Variants in PDE8B observed in about 807,000 individuals in gnomAD.
The protein encoded by PDE8B is high affinity cAMP-specific and IBMX-insensitive 3',5'-cyclic phosphodiesterase 8B.
Under a neutral mutation model 101.3 loss-of-function variants are expected in PDE8B, and 26 were observed. That is an observed-to-expected ratio of 0.26 (90% CI 0.19 to 0.36). The LOEUF (loss-of-function observed/expected upper bound fraction) is 0.36. PDE8B is among the 10% of genes least tolerant of loss of function. The pLI, the probability that PDE8B is intolerant of heterozygous loss-of-function variation, is 1.00. For synonymous variants in PDE8B, 424 were observed against 429.3 expected (o/e 0.99, Z 0.15); for missense variants, 810 against 1,163.1 (o/e 0.70, Z 4.42).
the PDE8B span, among the ~76,000 whole-genome samples, chr5:77,163,902 G>T: frequency 6.6e-6 from 1 of 152,182 alleles, no homozygotes; most frequent in Non-Finnish European, 1.5e-5. Flanking sequence ...TCAGTTAAAC[G>T]TGGCCTTGTG....
chr5:77,372,311 T>C (rs559034811), intron 10 of PDE8B, among the ~76,000 whole-genome samples: 38 of 152,346 alleles, frequency 2.5e-4, no homozygotes, highest in Non-Finnish European at 1.9e-4. Context: ...ATAGATTGCT[T>C]AGGATGTTAT....
chr5:77,108,287 ACATT>A, the PDE8B span, among the ~76,000 whole-genome samples: 2 of 152,218 alleles, frequency 1.3e-5, no homozygotes, highest in Non-Finnish European at 2.9e-5. Context: ...CTTAAAATTG[ACATT>A]CATTTTAAAT....
At chr5:77,273,124 G>T (rs1320529745) in intron 1 of PDE8B, among the ~76,000 whole-genome samples, 1 of 152,196 alleles carries the variant, frequency 6.6e-6, no homozygotes, top group Non-Finnish European at 1.5e-5. Context: ...TGATGTGGCA[G>T]ACTTGTGTTT....
intron 10 of PDE8B, among the ~76,000 whole-genome samples, chr5:77,394,066 A>G (rs1041890288): frequency 1.3e-5 from 2 of 152,252 alleles, no homozygotes; most frequent in African/African-American, 4.8e-5. Flanking sequence ...GAATTTATGC[A>G]AACAACTACA....
the PDE8B span, among the ~76,000 whole-genome samples, chr5:77,158,151 G>A: frequency 2.6e-5 from 4 of 152,328 alleles, no homozygotes; most frequent in South Asian, 8.3e-4. Context: ...TGACTCTCAA[G>A]CCCAGGTTCT....
rs768780569 is a variant in PDE8B, at chr5:77,426,931, G to C, written c.*377G>C. 2 of 280,566 alleles carry C rather than the reference G, an allele frequency of 7.1e-6. No homozygotes were observed. Among genetic ancestry groups the C allele is most frequent in the Non-Finnish European group, 1.4e-5 (2 of 144,820 alleles). The allele number at this position is 280,566 out of a possible 1,614,324, so 17.4% of individuals were successfully genotyped here. A position where few individuals can be genotyped will look rare whatever the true frequency, so the allele number is the denominator to read the frequency against. ...GACTAAGTAGCTTAGCTAGTGATCA[G>C]CTCATCCTTTACCATAAAAGTCATC... On this transcript the variant is annotated 3_prime_UTR_variant, in exon 22 of 22. Transcript: ENST00000264917.
intron 1 of PDE8B, among the ~76,000 whole-genome samples, chr5:77,307,601 G>A (rs1771534315): frequency 6.7e-6 from 1 of 148,816 alleles, no homozygotes; most frequent in Admixed American, 6.7e-5. Context: ...TAGTACTTGT[G>A]TTTTTTTTTT....
chr5:77,231,846 G>A (rs767491842), intron 1 of PDE8B, among the ~76,000 whole-genome samples: 39 of 152,236 alleles, frequency 2.6e-4, no homozygotes, highest in Non-Finnish European at 4.7e-4. Flanking sequence ...GCTATTGCCA[G>A]GACAGGGCAC....
At chr5:77,121,180 A>G in the PDE8B span, among the ~76,000 whole-genome samples, 1 of 152,208 alleles carries the variant, frequency 6.6e-6, no homozygotes, top group Non-Finnish European at 1.5e-5. Flanking sequence ...CTGCCATGAC[A>G]TTATATTCAA....
At chr5:77,292,348 A>T (rs1385231317) in intron 1 of PDE8B, among the ~76,000 whole-genome samples, 2 of 152,212 alleles carry the variant, frequency 1.3e-5, no homozygotes, top group Non-Finnish European at 1.5e-5. Flanking sequence ...CATGGCAGAC[A>T]TATAAACAGA....
At chr5:77,350,998 A>C in intron 8 of PDE8B, 67 bp from the exon 9 acceptor site, 2 of 1,116,272 alleles carry the variant, frequency 1.8e-6, no homozygotes, top group Non-Finnish European at 2.7e-6. Context: ...CAGCCTTCTG[A>C]GACCCTCTGC....
At position 77,424,738 on chromosome 5, in the gene PDE8B, C is replaced by T. The variant is rs144806670; in HGVS notation, c.2419-1029C>T. Reference sequence around the variant, plus strand: ...CAGAATATTACAGAGACATGTACTTCGAAGGTCAAGATTTAATACAATTAA... The same window carrying T: ...CAGAATATTACAGAGACATGTACTTTGAAGGTCAAGATTTAATACAATTAA... On this transcript the variant is annotated intron_variant, in intron 20 of 21. Coordinates refer to ENST00000264917, the MANE Select transcript of PDE8B (RefSeq NM_003719.5). Among the ~76,000 whole-genome samples, 83 of 152,022 alleles carry T rather than the reference C, an allele frequency of 5.5e-4. 1 individual carries two copies. The East Asian group carries it at 0.013, about 24-fold the overall frequency.
intron 1 of PDE8B, among the ~76,000 whole-genome samples, chr5:77,299,128 C>T (rs1580875420): frequency 2.0e-5 from 3 of 152,256 alleles, no homozygotes; most frequent in Middle Eastern, 3.4e-3. Flanking sequence ...ACAAAGGCCC[C>T]AAGGCCCGTA....
At chr5:77,317,046 G>T (rs1184421523) in intron 2 of PDE8B, among the ~76,000 whole-genome samples, 1 of 152,116 alleles carries the variant, frequency 6.6e-6, no homozygotes, top group Non-Finnish European at 1.5e-5. Context: ...AGAATCTACT[G>T]AGTACCTCCT....
chr5:77,125,120 G>A, the PDE8B span, among the ~76,000 whole-genome samples: 1 of 152,112 alleles, frequency 6.6e-6, no homozygotes, highest in African/African-American at 2.4e-5. Flanking sequence ...AGCCTCTGGG[G>A]TAGCTGGGAC....
At chr5:77,302,595 T>C (rs1006364529) in intron 1 of PDE8B, among the ~76,000 whole-genome samples, 1 of 152,216 alleles carries the variant, frequency 6.6e-6, no homozygotes, top group African/African-American at 2.4e-5. Context: ...CTCAGCCAGA[T>C]CTTTCACATC....
At chr5:77,184,937 AGGCACTCAG>A in the PDE8B span, among the ~76,000 whole-genome samples, 2 of 152,230 alleles carry the variant, frequency 1.3e-5, no homozygotes, top group Admixed American at 6.5e-5. Flanking sequence ...TGCTCCACAG[AGGCACTCAG>A]GGCACCAGGC....
chr5:77,151,820 G>A, the PDE8B span: 5 of 152,078 alleles, frequency 3.3e-5, no homozygotes, highest in African/African-American at 7.2e-5. Context: ...CATGCAGGGC[G>A]GTTTGTTTTG....
chr5:77,302,142 T>G (rs746264591), intron 1 of PDE8B, among the ~76,000 whole-genome samples: 3 of 152,270 alleles, frequency 2.0e-5, no homozygotes, highest in Admixed American at 6.5e-5. Context: ...TCCATTATAC[T>G]GTGCCAGCCA....
Sources: allele counts gnomAD v4.1 joint callset (sites outside exome capture counted in the v4.1 genomes callset), GRCh38; gene constraint gnomAD v4.1.1; transcripts MANE v1.5; gene names NCBI Gene and HGNC (gene_info 2026-07-23, HGNC 2026-07-21).